CACNA1E: variants seen among roughly 807,000 people sequenced by gnomAD.
CACNA1E encodes voltage-dependent R-type calcium channel subunit alpha-1E.
Under a neutral mutation model 259.2 loss-of-function variants are expected in CACNA1E, and 40 were observed. That is an observed-to-expected ratio of 0.15 (90% CI 0.12 to 0.20). The LOEUF is 0.20. Among genes scored for constraint, CACNA1E ranks in the 10% least tolerant of loss-of-function variants. CACNA1E has a pLI of 1.00. For missense variants in CACNA1E, 1,874 were observed against 3,040.1 expected (o/e 0.62, Z 9.02); for synonymous variants, 1,104 against 1,138.5 (o/e 0.97, Z 0.61).
At chr1:181,424,773 G>A (rs1557993360) in intron 2 of CACNA1E, among the ~76,000 whole-genome samples, 1 of 152,266 alleles carries the variant, frequency 6.6e-6, no homozygotes, top group East Asian at 1.9e-4. Context: ...GGCAGGCCTT[G>A]GGGGAGGACT....
At position 181,736,336 on chromosome 1, in the gene CACNA1E, G is replaced by A; in HGVS notation, c.3324G>A (p.Glu1108=). The A allele has an allele frequency of 1.9e-6, 3 of 1,607,532 alleles. No homozygotes were observed. The highest frequency in any genetic ancestry group is 1.7e-6 in the Non-Finnish European group (2 of 1,176,712). The stretch of plus-strand genomic sequence containing the variant: ...AGGAGGCAGAGATCAGAGAGGATGA[G>A]GAGGAGGTGGAGAAGAAGAAGCAGA... The part of the protein sequence containing the change: ...PLKEAEIRED[E]EEVEKKKQKK... Residue 1108 remains glutamate (E), a synonymous_variant, in exon 22 of 48, where the codon GAG becomes GAA. Transcript: ENST00000367573.
chr1:181,687,873 A>C (rs1650740882), intron 7 of CACNA1E, among the ~76,000 whole-genome samples: 1 of 152,226 alleles, frequency 6.6e-6, no homozygotes, highest in Non-Finnish European at 1.5e-5. Context: ...AGAATATGCC[A>C]GAGTCAGAAC....
chr1:181,386,166 GGGC>G (rs1260412339), intron 1 of CACNA1E, among the ~76,000 whole-genome samples: 2 of 152,170 alleles, frequency 1.3e-5, no homozygotes, highest in African/African-American at 4.8e-5. Context: ...ACTGATAGTG[GGGC>G]TCTGATGGTC....
intron 1 of CACNA1E, among the ~76,000 whole-genome samples, chr1:181,403,027 C>CT (rs998604412): frequency 6.6e-6 from 1 of 152,114 alleles, no homozygotes; most frequent in Non-Finnish European, 1.5e-5. Flanking sequence ...AGAAATGGAA[C>CT]TAATACCATT....
At chr1:181,362,996 C>A (rs189842989) in intron 1 of CACNA1E, among the ~76,000 whole-genome samples, 1 of 152,240 alleles carries the variant, frequency 6.6e-6, no homozygotes, top group Non-Finnish European at 1.5e-5. Context: ...ATAAATGTCC[C>A]ATCATAGGTC....
chr1:181,507,948 A>G (rs1056087076), intron 1 of CACNA1E, among the ~76,000 whole-genome samples: 2 of 152,172 alleles, frequency 1.3e-5, no homozygotes, highest in East Asian at 3.9e-4. Context: ...AGGGGATGAC[A>G]TGGAAGAGGC....
chr1:181,498,135 G>C (rs1399553839), intron 1 of CACNA1E, among the ~76,000 whole-genome samples: 2 of 152,202 alleles, frequency 1.3e-5, no homozygotes, highest in Non-Finnish European at 1.5e-5. Context: ...GGTACCCATA[G>C]TGTGAGTCAT....
intron 7 of CACNA1E, among the ~76,000 whole-genome samples, chr1:181,665,788 C>T (rs965968173): frequency 3.3e-5 from 5 of 152,056 alleles, no homozygotes; most frequent in African/African-American, 1.2e-4. Context: ...AAAAAGATGG[C>T]TTTGCTAAGA....
In CACNA1E at chr1:181,347,620, G is replaced by A. The variant is rs537133618; in HGVS notation, c.-15+29497G>A. On this transcript the variant is annotated intron_variant, in intron 1 of 11. Transcript: ENST00000524607. ...CTCTGCACCCACTCCTCCTCCACCA[G>A]TGACTCGGGGTTTGTTGTGACTCAG... Among the ~76,000 whole-genome samples the A allele has an allele frequency of 3.9e-5, 6 of 152,318 alleles. No individual in the cohort carries two copies. In the South Asian group the frequency reaches 6.2e-4, roughly 16 times the overall value.
At chr1:181,372,552 G>T (rs143410389) in intron 1 of CACNA1E, among the ~76,000 whole-genome samples, 9,365 of 152,186 alleles carry the variant, frequency 0.062, 379 homozygotes, top group Middle Eastern at 0.085. Context: ...AAGAGAGATA[G>T]TTTGACTTCC....
intron 1 of CACNA1E, among the ~76,000 whole-genome samples, chr1:181,324,418 A>T (rs1411249782): frequency 6.6e-6 from 1 of 152,236 alleles, no homozygotes; most frequent in African/African-American, 2.4e-5. Flanking sequence ...TCTATATCAC[A>T]GATTCTCTAT....
intron 6 of CACNA1E, among the ~76,000 whole-genome samples, chr1:181,589,705 A>G (rs1652442297): frequency 6.6e-6 from 1 of 152,162 alleles, no homozygotes; most frequent in South Asian, 2.1e-4. Context: ...CCTGGGCAAC[A>G]TAGTGAGACT....
intron 22 of CACNA1E, among the ~76,000 whole-genome samples, chr1:181,736,904 G>A (rs1455125971): frequency 6.6e-6 from 1 of 152,172 alleles, no homozygotes; most frequent in Non-Finnish European, 1.5e-5. Context: ...CAGAGCAGAG[G>A]CAGGGACATG....
intron 7 of CACNA1E, among the ~76,000 whole-genome samples, chr1:181,701,219 T>C (rs1652218975): frequency 1.3e-5 from 2 of 152,212 alleles, no homozygotes; most frequent in Non-Finnish European, 1.5e-5. Flanking sequence ...ATTTCTTCCT[T>C]GAACACAGCT....
At chr1:181,623,850 A>G (rs1454507198) in intron 6 of CACNA1E, among the ~76,000 whole-genome samples, 2 of 152,204 alleles carry the variant, frequency 1.3e-5, no homozygotes, top group East Asian at 1.9e-4. Flanking sequence ...TGATCTGAGT[A>G]GTGGTTGCTG....
At chr1:181,486,326 C>G (rs1178396487) in intron 1 of CACNA1E, among the ~76,000 whole-genome samples, 2 of 152,204 alleles carry the variant, frequency 1.3e-5, no homozygotes, top group Non-Finnish European at 2.9e-5. Context: ...TAACAGTGTT[C>G]AGGGAACATC....
intron 6 of CACNA1E, among the ~76,000 whole-genome samples, chr1:181,617,933 G>A (rs559335394): frequency 2.9e-4 from 44 of 152,256 alleles, no homozygotes; most frequent in African/African-American, 9.6e-4. Context: ...GTTTATTTTC[G>A]GTGTAGGAAG....
At chr1:181,641,160 T>C (rs1158244873) in intron 6 of CACNA1E, among the ~76,000 whole-genome samples, 1 of 152,242 alleles carries the variant, frequency 6.6e-6, no homozygotes, top group East Asian at 1.9e-4. Context: ...TGAATATGTA[T>C]GCTACTGTGA....
chr1:181,702,936 G>GTA (rs1164939658), intron 7 of CACNA1E, among the ~76,000 whole-genome samples: 1 of 152,174 alleles, frequency 6.6e-6, no homozygotes, highest in African/African-American at 2.4e-5. Context: ...TTCTCCTGCA[G>GTA]TATAATGTAA....
Sources: gnomAD v4.1 joint callset for allele counts (sites outside exome capture counted in the v4.1 genomes callset) on GRCh38, gnomAD v4.1.1 for gene constraint, MANE v1.5 for transcripts, NCBI Gene and HGNC (gene_info 2026-07-23, HGNC 2026-07-21) for gene names.